Variants in NRG2 observed in about 807,000 individuals in gnomAD.
NRG2 encodes the protein neuregulin 2.
A neutral mutation model predicts 73.9 loss-of-function variants in NRG2; 27 were observed. The observed-to-expected ratio is 0.37, with a 90% CI of 0.27 to 0.50. NRG2 has a LOEUF of 0.50. Among genes scored for constraint, NRG2 ranks in the 20% least tolerant of loss-of-function variants. The probability of loss-of-function intolerance (pLI) is 0.96; values close to 1 mark genes in which losing one functional copy is unlikely to be tolerated. For synonymous variants in NRG2, 532 were observed against 541.0 expected, an observed-to-expected ratio of 0.98 and a Z score of 0.23; for missense variants, 1,126 against 1,210.1, an observed-to-expected ratio of 0.93 and a Z score of 1.03.
intron 1 of NRG2, among the ~76,000 whole-genome samples, chr5:139,889,639 T>C (rs920496018): frequency 1.3e-5 from 2 of 152,228 alleles, no homozygotes; most frequent in African/African-American, 4.8e-5. Flanking sequence ...ACATTTAGCA[T>C]GCCCCCTCCC....
chr5:139,879,553 G>A (rs560574210), intron 3 of NRG2, among the ~76,000 whole-genome samples: 1 of 152,324 alleles, frequency 6.6e-6, no homozygotes, highest in South Asian at 2.1e-4. Flanking sequence ...ACAGGAGCAA[G>A]AGTAAGAATG....
At chr5:140,023,021 C>T (rs1760364302) in intron 1 of NRG2, among the ~76,000 whole-genome samples, 1 of 152,204 alleles carries the variant, frequency 6.6e-6, no homozygotes, top group Admixed American at 6.5e-5. Context: ...CCCCCAGTTT[C>T]CCTGGCTTCT....
At chr5:139,972,299 T>C (rs1244386379) in intron 1 of NRG2, among the ~76,000 whole-genome samples, 1 of 152,152 alleles carries the variant, frequency 6.6e-6, no homozygotes, top group Non-Finnish European at 1.5e-5. Context: ...AATAAAACAC[T>C]AGGACATTTA....
intron 1 of NRG2, among the ~76,000 whole-genome samples, chr5:139,997,919 G>T (rs1758142622): frequency 6.6e-6 from 1 of 152,226 alleles, no homozygotes; most frequent in Non-Finnish European, 1.5e-5. Flanking sequence ...CCTGAGGATT[G>T]CCCCTCTAGG....
intron 1 of NRG2, among the ~76,000 whole-genome samples, chr5:139,955,604 C>G (rs1236030408): frequency 6.6e-6 from 1 of 152,172 alleles, no homozygotes; most frequent in African/African-American, 2.4e-5. Flanking sequence ...TGTTAACTCT[C>G]TCATGGCTGC....
Position 139,868,343 on chromosome 5 carries a change from G to A in NRG2, c.1113-2718C>T, listed in dbSNP as rs932540452. ...CTAATACCAGGGTAAGAGAGTATGG[G>A]GTACATTAGCCTATCAACCAGGTTG... On this transcript the variant is annotated intron_variant, in intron 4 of 9. Coordinates refer to ENST00000361474, the MANE Select transcript of NRG2 (RefSeq NM_004883.3). The surrounding 1 kb of genome is among the most constrained non-coding windows in gnomAD (Gnocchi z 4.2). Among the ~76,000 whole-genome samples the A allele has an allele frequency of 2.2e-4, 34 of 152,196 alleles. 1 individual carries two copies. Among genetic ancestry groups the A allele is most frequent in the African/African-American group, 7.9e-4 (33 of 41,530 alleles).
intron 1 of NRG2, among the ~76,000 whole-genome samples, chr5:139,924,792 C>G (rs1041224215): frequency 1.3e-5 from 2 of 152,224 alleles, no homozygotes; most frequent in Non-Finnish European, 2.9e-5. Flanking sequence ...AGCCGCCTCC[C>G]TTTCCGGGGC....
chr5:139,962,216 G>A (rs922458443), intron 1 of NRG2, among the ~76,000 whole-genome samples: 5 of 152,186 alleles, frequency 3.3e-5, no homozygotes, highest in African/African-American at 1.2e-4. Context: ...ATGCTGCAAA[G>A]CCCCTGGAGC....
At chr5:140,005,591 A>G (rs1028178153) in intron 1 of NRG2, among the ~76,000 whole-genome samples, 10 of 152,246 alleles carry the variant, frequency 6.6e-5, no homozygotes, top group African/African-American at 2.4e-4. Context: ...GGACAGAGAC[A>G]GCCATGGCAA....
At chr5:139,935,807 A>G (rs1206270774) in intron 1 of NRG2, among the ~76,000 whole-genome samples, 1 of 152,060 alleles carries the variant, frequency 6.6e-6, no homozygotes, top group Non-Finnish European at 1.5e-5. Flanking sequence ...TAAAAATACA[A>G]AAATTAGCCA....
intron 1 of NRG2, among the ~76,000 whole-genome samples, chr5:139,935,564 A>G (rs1752784579): frequency 1.3e-5 from 2 of 152,244 alleles, no homozygotes; most frequent in South Asian, 2.1e-4. Flanking sequence ...AAAAAGATAT[A>G]TGGAAAAGCA....
At chr5:139,938,953 GAA>G (rs1561694111) in intron 1 of NRG2, among the ~76,000 whole-genome samples, 1 of 105,230 alleles carries the variant, frequency 9.5e-6, no homozygotes, top group Non-Finnish European at 2.0e-5. Flanking sequence ...AAGAAAGAAA[GAA>G]AGAAAAAAGA....
chr5:140,006,639 C>T (rs887868009), intron 1 of NRG2, among the ~76,000 whole-genome samples: 7 of 152,032 alleles, frequency 4.6e-5, no homozygotes, highest in Admixed American at 3.9e-4. Context: ...AACGGTTTGC[C>T]GTGTATTAAG....
At position 139,918,532 on chromosome 5, in the gene NRG2, A is replaced by G. The variant is rs965745702; in HGVS notation, c.701-31021T>C. On this transcript the variant is annotated intron_variant, in intron 1 of 9. Coordinates refer to ENST00000361474, the MANE Select transcript of NRG2 (RefSeq NM_004883.3). Reference sequence around the variant, plus strand: ...AGATAGGGAGCGCATTACCATCTTCACATAGCAGATGAGGAAACTGAGGGT... The same window carrying G: ...AGATAGGGAGCGCATTACCATCTTCGCATAGCAGATGAGGAAACTGAGGGT... Among the ~76,000 whole-genome samples, 4 of 152,292 alleles carry G rather than the reference A, an allele frequency of 2.6e-5. No individual in the cohort carries two copies. The South Asian group carries it at 6.2e-4, about 24-fold the overall frequency.
chr5:140,025,609 T>G (rs1760624361), intron 1 of NRG2, among the ~76,000 whole-genome samples: 1 of 152,192 alleles, frequency 6.6e-6, no homozygotes, highest in East Asian at 1.9e-4. Flanking sequence ...TATCAGAGAT[T>G]TGGCTTTTTT....
At chr5:140,011,693 C>T (rs1036527146) in intron 1 of NRG2, among the ~76,000 whole-genome samples, 1 of 152,154 alleles carries the variant, frequency 6.6e-6, no homozygotes, top group Non-Finnish European at 1.5e-5. Flanking sequence ...CACTGTTGAG[C>T]CTGAGATGAC....
intron 5 of NRG2, chr5:139,861,839 T>C: frequency 2.1e-6 from 1 of 471,556 alleles, no homozygotes; most frequent in Non-Finnish European, 4.2e-6. Flanking sequence ...GAGCTCACAT[T>C]GTTTGGCTAT....
intron 1 of NRG2, among the ~76,000 whole-genome samples, chr5:139,898,827 A>G (rs1180419756): frequency 1.3e-5 from 2 of 152,216 alleles, no homozygotes; most frequent in Non-Finnish European, 2.9e-5. Context: ...GTTTGGCAGC[A>G]TACCTTCTGG....
rs1561623897 is a variant in NRG2, at chr5:139,852,712, A to G, written c.1417-153T>C. Among the ~76,000 whole-genome samples the G allele has an allele frequency of 6.6e-6, 1 of 152,238 alleles. No homozygotes were observed. Among genetic ancestry groups the G allele is most frequent in the Non-Finnish European group, 1.5e-5 (1 of 68,036 alleles). On this transcript the variant is annotated intron_variant, in intron 7 of 9. Coordinates refer to ENST00000361474, the MANE Select transcript of NRG2 (RefSeq NM_004883.3). The surrounding 1 kb of genome is among the most constrained non-coding windows in gnomAD (Gnocchi z 4.4). ...TTGATGTTGGGGCAGCGATGGCTCC[A>G]GCAAATCAACCCCCACCCCTTCCTC... is the stretch of plus-strand genomic sequence containing the variant.
Sources: gnomAD v4.1 joint callset for allele counts (sites outside exome capture counted in the v4.1 genomes callset) on GRCh38, gnomAD v4.1.1 for gene constraint, Gnocchi (gnomAD v3.1) non-coding constraint, MANE v1.5 for transcripts, NCBI Gene and HGNC (gene_info 2026-07-23, HGNC 2026-07-21) for gene names.